Variants in DCT observed in about 807,000 individuals in gnomAD.
DCT encodes L-dopachrome tautomerase.
DCT carries 47 observed loss-of-function variants against 53.0 expected under a neutral mutation model. That is an observed-to-expected ratio of 0.89 (90% CI 0.70 to 1.13). The LOEUF (loss-of-function observed/expected upper bound fraction) is 1.13, where lower values mean the gene tolerates loss of function less well. DCT is among the 50% of genes most tolerant of loss of function. DCT has a pLI of 0.00. For missense variants in DCT, 669 were observed against 637.4 expected, an observed-to-expected ratio of 1.05 and a Z score of -0.53; for synonymous variants, 244 against 237.0, an observed-to-expected ratio of 1.03 and a Z score of -0.27.
chr13:94,455,381 T>TACAGAGAG (rs139095318), intron 6 of DCT, among the ~76,000 whole-genome samples: 1 of 141,652 alleles, frequency 7.1e-6, no homozygotes, highest in Non-Finnish European at 1.5e-5. Flanking sequence ...GACTGTCTCT[T>TACAGAGAG]AGAGAGAGAG....
At chr13:94,505,468 C>T in the DCT span, among the ~76,000 whole-genome samples, 57,721 of 151,948 alleles carry the variant, frequency 0.38, 11,434 homozygotes, top group East Asian at 0.61. Flanking sequence ...TAGATTTGGC[C>T]GAAAGTCCGT....
chr13:94,515,282 G>A, the DCT span, among the ~76,000 whole-genome samples: 1 of 152,208 alleles, frequency 6.6e-6, no homozygotes, highest in Non-Finnish European at 1.5e-5. Context: ...GATACAGAAG[G>A]CAGTAAAATT....
chr13:94,520,750 T>C, the DCT span, among the ~76,000 whole-genome samples: 1 of 152,122 alleles, frequency 6.6e-6, no homozygotes, highest in Non-Finnish European at 1.5e-5. Context: ...CCTGGCATCA[T>C]CTCCAGATCA....
At chr13:94,453,287 G>C (rs1011678721) in intron 6 of DCT, among the ~76,000 whole-genome samples, 1 of 152,002 alleles carries the variant, frequency 6.6e-6, no homozygotes, top group Non-Finnish European at 1.5e-5. Context: ...GATATTGAGG[G>C]ATGACTATAA....
At chr13:94,489,191 A>T in the DCT span, among the ~76,000 whole-genome samples, 1 of 152,306 alleles carries the variant, frequency 6.6e-6, no homozygotes, top group East Asian at 1.9e-4. Context: ...TAGTTTAAAA[A>T]TTTCGTTAAT....
rs759177137 is a variant in DCT at position 94,443,535 on chromosome 13, G to T, written c.1282C>A (p.Arg428=). ...PQELAPIGHN[R]MYNMVPFFPP... ...AAGAAAGGAACCATGTTGTACATCC[G>T]ATTGTGACCAATAGGGGCCAGCTCC... is the stretch of plus-strand genomic sequence containing the variant. The change falls in exon 7 of 8, where the codon CGG becomes AGG. Residue 428 remains arginine, a synonymous_variant. Coordinates refer to ENST00000377028, the MANE Select transcript of DCT (RefSeq NM_001922.5). The T allele has an allele frequency of 8.1e-6, 13 of 1,613,360 alleles. No homozygotes were observed. Among genetic ancestry groups the T allele is most frequent in the East Asian group, 2.2e-5 (1 of 44,878 alleles).
At chr13:94,442,395 A>C (rs190971745) in intron 7 of DCT, among the ~76,000 whole-genome samples, 10 of 152,148 alleles carry the variant, frequency 6.6e-5, no homozygotes, top group African/African-American at 2.2e-4. Context: ...TAGCCTCTAC[A>C]TCCTGGGCTC....
intron 6 of DCT, among the ~76,000 whole-genome samples, chr13:94,455,381 T>TAGAGAGAGAGAA (rs1883343989): frequency 7.1e-6 from 1 of 141,652 alleles, no homozygotes; most frequent in Non-Finnish European, 1.5e-5. Flanking sequence ...GACTGTCTCT[T>TAGAGAGAGAGAA]AGAGAGAGAG....
upstream of DCT, among the ~76,000 whole-genome samples, chr13:94,481,469 G>A (rs565300423): frequency 3.0e-4 from 45 of 152,222 alleles, no homozygotes; most frequent in African/African-American, 1.1e-3. Flanking sequence ...TGACACTTGG[G>A]AATTTTATTC....
the DCT span, among the ~76,000 whole-genome samples, chr13:94,534,231 C>G: frequency 1.3e-5 from 2 of 152,154 alleles, no homozygotes; most frequent in African/African-American, 2.4e-5. Flanking sequence ...AACTCTCTCT[C>G]TTACTTTTAC....
At chr13:94,457,531 T>C (rs1441560796) in intron 6 of DCT, among the ~76,000 whole-genome samples, 1 of 152,226 alleles carries the variant, frequency 6.6e-6, no homozygotes, top group Non-Finnish European at 1.5e-5. Context: ...TCTTTCATTA[T>C]GGCAGCCTGA....
At chr13:94,467,720 G>A (rs1038328992) in intron 2 of DCT, 3 of 152,100 alleles carry the variant, frequency 2.0e-5, no homozygotes, top group Admixed American at 6.5e-5. Flanking sequence ...ACCCAACAAC[G>A]AGAGGGTATC....
At chr13:94,452,127 G>T (rs1594285118) in intron 6 of DCT, among the ~76,000 whole-genome samples, 1 of 152,020 alleles carries the variant, frequency 6.6e-6, no homozygotes, top group Non-Finnish European at 1.5e-5. Context: ...CCACCTCCCG[G>T]GTTCAAGTGA....
intron 1 of DCT, among the ~76,000 whole-genome samples, chr13:94,473,185 G>C (rs573536866): frequency 5.6e-4 from 85 of 152,250 alleles, no homozygotes; most frequent in African/African-American, 2.0e-3. Context: ...CTTTAGGATG[G>C]TGCAAAATCA....
Position 94,465,678 on chromosome 13 carries a change from A to T in DCT, c.818T>A (p.Ile273Asn). The change falls in exon 4 of 8, where the codon ATT (isoleucine) becomes AAT (asparagine). Residue 273 changes from isoleucine (I) to asparagine (N), a missense_variant. Transcript: ENST00000377028. ...GAARPDDPTL[I>N]SRNSRFSSWE... The stretch of plus-strand genomic sequence containing the variant: ...GCTGGAGAATCTTGAGTTCCGACTA[A>T]TCAGAGTCGGATCGTCTGGTCTCGC... 6.2e-7 allele frequency: 1 copy of T among 1,613,618 alleles called. No individual in the cohort carries two copies. Among genetic ancestry groups the T allele is most frequent in the Non-Finnish European group, 8.5e-7 (1 of 1,179,852 alleles).
chr13:94,451,180 A>G (rs965030733), intron 6 of DCT, among the ~76,000 whole-genome samples: 2 of 152,220 alleles, frequency 1.3e-5, no homozygotes, highest in Non-Finnish European at 2.9e-5. Flanking sequence ...CTTAGGAGGT[A>G]GTAACTGTGT....
intron 2 of DCT, chr13:94,467,715 A>G (rs1314933893): frequency 6.6e-6 from 1 of 152,206 alleles, no homozygotes; most frequent in Non-Finnish European, 1.5e-5. Context: ...TCAGAACCCA[A>G]CAACGAGAGG....
the DCT span, among the ~76,000 whole-genome samples, chr13:94,499,582 A>G: frequency 6.6e-6 from 1 of 152,180 alleles, no homozygotes; most frequent in African/African-American, 2.4e-5. Flanking sequence ...CATGAATTAG[A>G]TGGCCTAATT....
intron 1 of DCT, among the ~76,000 whole-genome samples, chr13:94,469,576 G>A (rs1024718897): frequency 2.6e-5 from 4 of 152,148 alleles, no homozygotes; most frequent in African/African-American, 9.7e-5. Flanking sequence ...AGAACTGTGG[G>A]AGGGTGAATT....
Sources: allele counts gnomAD v4.1 joint callset (sites outside exome capture counted in the v4.1 genomes callset), GRCh38; gene constraint gnomAD v4.1.1; transcripts MANE v1.5; gene names NCBI Gene and HGNC (gene_info 2026-07-23, HGNC 2026-07-21).